Variants in ZNF90 observed in about 807,000 individuals in gnomAD.
ZNF90 encodes the protein zinc finger protein 90.
A neutral mutation model predicts 12.0 loss-of-function variants in ZNF90; 11 were observed. The ratio of observed to expected loss-of-function variants is 0.92; its 90% confidence interval spans 0.58 to 1.52. The LOEUF (loss-of-function observed/expected upper bound fraction) is 1.52, where lower values mean the gene tolerates loss of function less well. Ranked by LOEUF, ZNF90 falls within the 40% of genes most tolerant of loss-of-function variation. The probability of loss-of-function intolerance (pLI) is 0.00; values close to 1 mark genes in which losing one functional copy is unlikely to be tolerated. For missense variants in ZNF90, 765 were observed against 711.5 expected, an observed-to-expected ratio of 1.08 and a Z score of -0.86; for synonymous variants, 232 against 240.1, an observed-to-expected ratio of 0.97 and a Z score of 0.31.
At chr19:20,089,340 G>A (rs1555702475) in intron 1 of ZNF90, among the ~76,000 whole-genome samples, 1 of 152,174 alleles carries the variant, frequency 6.6e-6, no homozygotes, top group Non-Finnish European at 1.5e-5. Flanking sequence ...CAAGGATGGA[G>A]TGAAATACAG....
chr19:20,097,409 A>G (rs971280305), intron 1 of ZNF90, among the ~76,000 whole-genome samples: 6 of 152,172 alleles, frequency 3.9e-5, no homozygotes, highest in Non-Finnish European at 7.3e-5. Context: ...TTATTAATCT[A>G]TAGTCATCTA....
intron 1 of ZNF90, among the ~76,000 whole-genome samples, chr19:20,082,813 A>G (rs1299642883): frequency 6.6e-6 from 1 of 152,156 alleles, no homozygotes; most frequent in Non-Finnish European, 1.5e-5. Context: ...TGCAGTTGAG[A>G]TAAGAGGAAG....
chr19:20,114,902 CTA>C (rs1555705498), intron 3 of ZNF90, among the ~76,000 whole-genome samples: 1 of 152,250 alleles, frequency 6.6e-6, no homozygotes, highest in African/African-American at 2.4e-5. Context: ...ATATTTCTCT[CTA>C]TGTGTTTATT....
intron 3 of ZNF90, chr19:20,107,111 C>T: frequency 2.4e-6 from 1 of 417,330 alleles, no homozygotes; most frequent in Admixed American, 2.6e-5. Flanking sequence ...TCTATGTGGG[C>T]AGAATTGGCC....
chr19:20,095,724 G>C (rs1186199169), intron 1 of ZNF90, among the ~76,000 whole-genome samples: 1 of 152,124 alleles, frequency 6.6e-6, no homozygotes, highest in Non-Finnish European at 1.5e-5. Context: ...AAGGGATTGG[G>C]GGTTCTTGCC....
rs1568294469 is a variant in ZNF90 at position 20,118,462 on chromosome 19, A to C, written c.908A>C (p.His303Pro). ...AFISSSILYV[H>P]KISHTEEKPY... The stretch of plus-strand genomic sequence containing the variant: ...ATTTCATCCTCGATCCTTTATGTAC[A>C]TAAGATAAGTCATACTGAAGAGAAA... Residue 303 changes from histidine to proline, a missense_variant, in exon 4 of 4, where the codon CAT becomes CCT. His to Pro is a moderately conservative substitution (Grantham distance 77, BLOSUM62 -2). Transcript: ENST00000418063. The C allele has an allele frequency of 6.2e-7, 1 of 1,613,488 alleles. No individual in the cohort carries two copies. Among genetic ancestry groups the C allele is most frequent in the South Asian group, 1.1e-5 (1 of 91,004 alleles).
rs1555706163 is a variant in ZNF90, at chr19:20,118,843, G to T, written c.1289G>T (p.Cys430Phe). The change falls in exon 4 of 4, where the codon TGT becomes TTT. Residue 430 changes from cysteine (C) to phenylalanine (F), a missense_variant. Coordinates refer to ENST00000418063, the MANE Select transcript of ZNF90 (RefSeq NM_007138.2). The stretch of plus-strand genomic sequence containing the variant: ...GAGAAACCCTACAAATGTCAAGAAT[G>T]TGACAAAGTCTTCAAACGCTCCTCA... ...TEEKPYKCQECDKVFKRSSAL... is the reference protein window; with the variant it reads ...TEEKPYKCQEFDKVFKRSSAL... 6 of 1,605,308 alleles carry T rather than the reference G, an allele frequency of 3.7e-6. No individual in the cohort carries two copies. In the Admixed American group the frequency reaches 5.1e-5, roughly 14 times the overall value.
rs1230264287 is a variant in ZNF90 at position 20,120,370 on chromosome 19, G to T, written c.*1010G>T. On this transcript the variant is annotated 3_prime_UTR_variant, in exon 4 of 4. Transcript: ENST00000418063. ...AGACAACCATTACACATATAAAGGG[G>T]GTTGTATTACCTTTACTTGCATCAC... is the stretch of plus-strand genomic sequence containing the variant. Among the ~76,000 whole-genome samples the T allele has an allele frequency of 6.6e-6, 1 of 152,120 alleles. No homozygotes were observed. The highest frequency in any genetic ancestry group is 2.1e-4 in the South Asian group (1 of 4,826).
chr19:20,079,311 T>G (rs2088803008), intron 1 of ZNF90, among the ~76,000 whole-genome samples: 1 of 151,678 alleles, frequency 6.6e-6, no homozygotes, highest in African/African-American at 2.4e-5. Context: ...GGAGGGTTTT[T>G]TTTTTTTTTT....
At chr19:20,116,959 T>A (rs1232747134) in intron 3 of ZNF90, among the ~76,000 whole-genome samples, 2 of 149,324 alleles carry the variant, frequency 1.3e-5, no homozygotes, top group Non-Finnish European at 3.0e-5. Context: ...AATAAAGATG[T>A]ATGTGCCAAT....
At chr19:20,087,953 G>T (rs1442633573) in intron 1 of ZNF90, among the ~76,000 whole-genome samples, 3 of 152,146 alleles carry the variant, frequency 2.0e-5, no homozygotes, top group African/African-American at 7.2e-5. Context: ...TTCACAAAGT[G>T]ATGTCAACAG....
intron 1 of ZNF90, chr19:20,080,669 A>G (rs60517651): frequency 0.018 from 2,959 of 167,376 alleles, 97 homozygotes; most frequent in African/African-American, 0.067. Context: ...AGTTCTGTGA[A>G]TAGCTCTAGC....
At chr19:20,096,601 T>C (rs2088948710) in intron 1 of ZNF90, among the ~76,000 whole-genome samples, 1 of 152,072 alleles carries the variant, frequency 6.6e-6, no homozygotes, top group African/African-American at 2.4e-5. Flanking sequence ...TTTCACAAGG[T>C]AATGTCATCA....
intron 3 of ZNF90, among the ~76,000 whole-genome samples, chr19:20,113,674 A>T (rs1375198190): frequency 6.6e-6 from 1 of 151,996 alleles, no homozygotes; most frequent in Non-Finnish European, 1.5e-5. Context: ...TAAAAATACA[A>T]AAAATTCGCC....
chr19:20,099,922 T>C (rs2088976307), intron 1 of ZNF90, among the ~76,000 whole-genome samples: 1 of 152,172 alleles, frequency 6.6e-6, no homozygotes, highest in African/African-American at 2.4e-5. Flanking sequence ...TAGGAGAGTA[T>C]TATTGGCTGT....
chr19:20,105,613 C>T (rs1320935356), intron 3 of ZNF90, among the ~76,000 whole-genome samples: 1 of 152,190 alleles, frequency 6.6e-6, no homozygotes, highest in Non-Finnish European at 1.5e-5. Context: ...GCTGCTTTTA[C>T]ATCGTCTTGG....
chr19:20,081,454 C>T (rs1164815325), intron 1 of ZNF90, among the ~76,000 whole-genome samples: 5 of 151,976 alleles, frequency 3.3e-5, no homozygotes, highest in African/African-American at 7.2e-5. Context: ...CCCAAAGTGC[C>T]GGGATTACAG....
chr19:20,088,203 T>G (rs1335149320), intron 1 of ZNF90, among the ~76,000 whole-genome samples: 1 of 150,242 alleles, frequency 6.7e-6, no homozygotes, highest in African/African-American at 2.4e-5. Flanking sequence ...GCGGCAAAAA[T>G]TTTTGGGGGG....
intron 2 of ZNF90, among the ~76,000 whole-genome samples, chr19:20,105,012 A>AAAAACAAAAC (rs550644569): frequency 3.9e-5 from 6 of 152,108 alleles, no homozygotes; most frequent in Non-Finnish European, 7.4e-5. Flanking sequence ...AAAACAAACA[A>AAAAACAAAAC]AAAACAAAAC....
Sources: gnomAD v4.1 joint callset for allele counts (sites outside exome capture counted in the v4.1 genomes callset) on GRCh38, gnomAD v4.1.1 for gene constraint, MANE v1.5 for transcripts, NCBI Gene and HGNC (gene_info 2026-07-23, HGNC 2026-07-21) for gene names.